The following IL23R variants were observed in gnomAD, a reference collection of about 807,000 sequenced individuals.
The protein encoded by IL23R is interleukin 23 receptor.
Under a neutral mutation model 56.9 loss-of-function variants are expected in IL23R, and 34 were observed. The observed-to-expected ratio is 0.60, with a 90% CI of 0.45 to 0.80. The LOEUF is 0.80. IL23R is among the 30% of genes least tolerant of loss of function. IL23R has a pLI of 0.00. For missense variants in IL23R, 635 were observed against 730.0 expected, an observed-to-expected ratio of 0.87 and a Z score of 1.50; for synonymous variants, 230 against 249.2, an observed-to-expected ratio of 0.92 and a Z score of 0.73.
intron 4 of IL23R, among the ~76,000 whole-genome samples, chr1:67,194,918 C>T (rs538381830): frequency 1.4e-4 from 22 of 152,258 alleles, no homozygotes; most frequent in Admixed American, 5.9e-4. Context: ...CTCAATTTAA[C>T]GGCATAATTT....
chr1:67,148,078 T>C (rs1226463244), intron 1 of IL23R, among the ~76,000 whole-genome samples: 1 of 152,222 alleles, frequency 6.6e-6, no homozygotes, highest in Non-Finnish European at 1.5e-5. Flanking sequence ...TTCAGCTCGA[T>C]TGGGATGAAC....
At chr1:67,179,613 T>C (rs1430201861) in intron 3 of IL23R, among the ~76,000 whole-genome samples, 1 of 152,220 alleles carries the variant, frequency 6.6e-6, no homozygotes, top group East Asian at 1.9e-4. Flanking sequence ...TGTGTCTCTA[T>C]TTCCTTCAGT....
upstream of IL23R, among the ~76,000 whole-genome samples, chr1:67,166,071 T>C (rs552754063): frequency 6.6e-6 from 1 of 152,330 alleles, no homozygotes; most frequent in African/African-American, 2.4e-5. Flanking sequence ...TATCATCAAA[T>C]TGTAGAATTT....
chr1:67,191,588 C>G (rs569139989), intron 4 of IL23R, among the ~76,000 whole-genome samples: 2 of 152,268 alleles, frequency 1.3e-5, no homozygotes, highest in South Asian at 2.1e-4. Flanking sequence ...ACCTCTACCA[C>G]CCAATTTCTC....
At chr1:67,211,626 GA>G (rs80202587) in intron 6 of IL23R, among the ~76,000 whole-genome samples, 194 of 137,006 alleles carry the variant, frequency 1.4e-3, no homozygotes, top group Middle Eastern at 3.8e-3. Flanking sequence ...GTCTCCAGAG[GA>G]AAAAAAAAAA....
At chr1:67,161,417 GA>G (rs896925258) in intron 1 of IL23R, among the ~76,000 whole-genome samples, 3 of 151,890 alleles carry the variant, frequency 2.0e-5, no homozygotes, top group East Asian at 3.8e-4. Flanking sequence ...GCAAAAGGAA[GA>G]AAAAAATCAT....
Position 67,259,178 on chromosome 1 carries a change from T to C in IL23R, c.*50T>C. ...AGAAAGCTGCCTTGCAATCTGAACT[T>C]GGGTTTTCCCTGCAATAGAAATTGA... On this transcript the variant is annotated 3_prime_UTR_variant, in exon 11 of 11. Coordinates refer to ENST00000347310, the MANE Select transcript of IL23R (RefSeq NM_144701.3). The C allele has an allele frequency of 6.3e-7, 1 of 1,585,384 alleles. No homozygotes were observed. The highest frequency in any genetic ancestry group is 8.7e-7 in the Non-Finnish European group (1 of 1,155,434).
At chr1:67,162,246 A>G (rs1646828854), upstream of IL23R, among the ~76,000 whole-genome samples, 1 of 151,962 alleles carries the variant, frequency 6.6e-6, no homozygotes, top group African/African-American at 2.4e-5. Flanking sequence ...CAGACGGATC[A>G]CGAAGTCAGG....
intron 1 of IL23R, among the ~76,000 whole-genome samples, chr1:67,167,647 C>T (rs1455385739): frequency 6.6e-6 from 1 of 152,070 alleles, no homozygotes; most frequent in Non-Finnish European, 1.5e-5. Flanking sequence ...CCGCTTGAGC[C>T]CAGGAGTTTG....
intron 9 of IL23R, among the ~76,000 whole-genome samples, chr1:67,245,556 A>G (rs1183491456): frequency 6.6e-6 from 1 of 152,124 alleles, no homozygotes; most frequent in African/African-American, 2.4e-5. Context: ...TTCTGCATCT[A>G]TTCAGGTTAT....
At chr1:67,164,159 T>C (rs781032814), upstream of IL23R, among the ~76,000 whole-genome samples, 2 of 152,032 alleles carry the variant, frequency 1.3e-5, no homozygotes, top group Non-Finnish European at 2.9e-5. Flanking sequence ...AATGACTCAA[T>C]AGCAAAAACA....
intron 8 of IL23R, among the ~76,000 whole-genome samples, chr1:67,237,317 A>C (rs1651549039): frequency 2.0e-5 from 3 of 152,302 alleles, no homozygotes; most frequent in Admixed American, 1.3e-4. Flanking sequence ...CTGGGATTAC[A>C]GGTGTGAGCC....
upstream of IL23R, among the ~76,000 whole-genome samples, chr1:67,163,501 CAGAAA>C (rs1039580003): frequency 1.8e-5 from 2 of 109,984 alleles, no homozygotes; most frequent in African/African-American, 7.0e-5. Flanking sequence ...AAAAAAAAGA[CAGAAA>C]AGAAAAGAAA....
At chr1:67,254,587 G>A (rs182103321) in intron 9 of IL23R, among the ~76,000 whole-genome samples, 1 of 152,104 alleles carries the variant, frequency 6.6e-6, no homozygotes, top group East Asian at 1.9e-4. Flanking sequence ...GATGAGTAAA[G>A]AAATAATATT....
At chr1:67,252,552 TC>T (rs1652694885) in intron 9 of IL23R, among the ~76,000 whole-genome samples, 1 of 150,904 alleles carries the variant, frequency 6.6e-6, no homozygotes, top group African/African-American at 2.4e-5. Context: ...CTTGCCATGA[TC>T]CCCAGCCACT....
chr1:67,163,542 G>A (rs1646843105), upstream of IL23R, among the ~76,000 whole-genome samples: 1 of 151,446 alleles, frequency 6.6e-6, no homozygotes, highest in Non-Finnish European at 1.5e-5. Flanking sequence ...AATCCCCAGT[G>A]CTGGAGGTTA....
intron 1 of IL23R, among the ~76,000 whole-genome samples, chr1:67,145,216 G>A (rs531496422): frequency 1.5e-4 from 23 of 152,152 alleles, no homozygotes; most frequent in African/African-American, 5.3e-4. Flanking sequence ...GCTTGGTGGC[G>A]GGCACCTGTA....
chr1:67,213,424 C>A (rs1649631277), intron 6 of IL23R, among the ~76,000 whole-genome samples: 2 of 152,150 alleles, frequency 1.3e-5, no homozygotes, highest in Non-Finnish European at 2.9e-5. Flanking sequence ...ATTGAGGGTG[C>A]TTTTCAGCCC....
At chr1:67,230,351 A>G (rs1240762922) in intron 7 of IL23R, among the ~76,000 whole-genome samples, 1 of 152,238 alleles carries the variant, frequency 6.6e-6, no homozygotes, top group Non-Finnish European at 1.5e-5. Context: ...CTGCTAGACT[A>G]TACAGATTGG....
Sources: allele counts gnomAD v4.1 joint callset (sites outside exome capture counted in the v4.1 genomes callset), GRCh38; gene constraint gnomAD v4.1.1; transcripts MANE v1.5; gene names NCBI Gene and HGNC (gene_info 2026-07-23, HGNC 2026-07-21).